FIGN: variants seen among roughly 807,000 people sequenced by gnomAD.
FIGN encodes the protein fidgetin.
FIGN carries 11 observed loss-of-function variants against 51.3 expected under a neutral mutation model. The observed-to-expected ratio is 0.21, with a 90% CI of 0.13 to 0.35. The LOEUF is 0.35. Ranked by LOEUF, FIGN falls within the 10% of genes least tolerant of loss-of-function variation. The probability of loss-of-function intolerance (pLI) is 1.00; values close to 1 mark genes in which losing one functional copy is unlikely to be tolerated. For synonymous variants in FIGN, 407 were observed against 363.2 expected (o/e 1.12, Z -1.37); for missense variants, 857 against 943.6 (o/e 0.91, Z 1.20).
chr2:163,725,779 A>G (rs1188254787), intron 2 of FIGN, among the ~76,000 whole-genome samples: 1 of 152,282 alleles, frequency 6.6e-6, no homozygotes, highest in Non-Finnish European at 1.5e-5. Flanking sequence ...TTAGAGGCTT[A>G]TTAAAGAACA....
At chr2:163,651,308 C>G (rs1489721020) in intron 2 of FIGN, among the ~76,000 whole-genome samples, 1 of 151,812 alleles carries the variant, frequency 6.6e-6, no homozygotes, top group Admixed American at 6.6e-5. Flanking sequence ...TAAAAATACA[C>G]AAAATTAGCC....
intron 2 of FIGN, among the ~76,000 whole-genome samples, chr2:163,625,178 T>A (rs1683035555): frequency 6.6e-6 from 1 of 151,974 alleles, no homozygotes; most frequent in South Asian, 2.1e-4. Flanking sequence ...TCTTTCTTCA[T>A]CAGTATTCCT....
intron 2 of FIGN, among the ~76,000 whole-genome samples, chr2:163,642,588 G>A (rs1478467398): frequency 3.9e-5 from 6 of 152,118 alleles, no homozygotes. Context: ...GACTCTCAGA[G>A]GAAGGAGTAT....
chr2:163,677,391 G>A (rs1683989802), intron 2 of FIGN, among the ~76,000 whole-genome samples: 2 of 152,184 alleles, frequency 1.3e-5, no homozygotes, highest in Admixed American at 1.3e-4. Context: ...GGGCTGCAAT[G>A]GTGTAAATGG....
chr2:163,628,247 G>T (rs1189098098), intron 2 of FIGN, among the ~76,000 whole-genome samples: 1 of 134,494 alleles, frequency 7.4e-6, no homozygotes, highest in Non-Finnish European at 1.6e-5. Context: ...ATAGAGAGAG[G>T]TGGCTATACA....
chr2:163,636,427 G>A (rs1033337304), intron 2 of FIGN, among the ~76,000 whole-genome samples: 1 of 151,908 alleles, frequency 6.6e-6, no homozygotes, highest in Admixed American at 6.6e-5. Context: ...CTGGTATTAC[G>A]GGCATGTGCC....
intron 2 of FIGN, among the ~76,000 whole-genome samples, chr2:163,636,171 G>T (rs1271624691): frequency 1.3e-5 from 2 of 152,182 alleles, no homozygotes; most frequent in East Asian, 3.9e-4. Flanking sequence ...TTACAAGCTT[G>T]ACTGTTACTG....
At chr2:163,685,062 G>A (rs1394528129) in intron 2 of FIGN, among the ~76,000 whole-genome samples, 2 of 151,760 alleles carry the variant, frequency 1.3e-5, no homozygotes, top group Non-Finnish European at 2.9e-5. Flanking sequence ...TGGGATTATA[G>A]GCGTGAGCTA....
intron 2 of FIGN, among the ~76,000 whole-genome samples, chr2:163,698,506 C>G (rs1471804885): frequency 6.6e-6 from 1 of 152,038 alleles, no homozygotes; most frequent in Non-Finnish European, 1.5e-5. Flanking sequence ...AAGATTCCCC[C>G]CACCCTACAA....
chr2:163,687,826 A>G (rs1321223314), intron 2 of FIGN, among the ~76,000 whole-genome samples: 2 of 152,192 alleles, frequency 1.3e-5, no homozygotes, highest in African/African-American at 4.8e-5. Flanking sequence ...TAACATGCAA[A>G]GTTAAATCAA....
intron 2 of FIGN, among the ~76,000 whole-genome samples, chr2:163,618,212 A>G (rs1404033234): frequency 6.6e-6 from 1 of 152,212 alleles, no homozygotes; most frequent in Non-Finnish European, 1.5e-5. Context: ...TAAAACTAAG[A>G]AATAAAGTAC....
chr2:163,653,823 T>A lies in FIGN; in HGVS notation c.26-42017A>T, dbSNP rs188930857. ...GGAATTTATTTTACAGGACTTTTTT[T>A]AAAAAACTTTTAATTTTAGGTACAG... is the stretch of plus-strand genomic sequence containing the variant. On this transcript the variant is annotated intron_variant, in intron 2 of 2. Transcript: ENST00000333129. 4.7e-3 allele frequency among the ~76,000 whole-genome samples: 713 copies of A among 152,204 alleles called. 3 individuals are homozygous for A. Among genetic ancestry groups the A allele is most frequent in the African/African-American group, 6.6e-3 (274 of 41,560 alleles).
chr2:163,643,844 A>G (rs1683341471), intron 2 of FIGN, among the ~76,000 whole-genome samples: 1 of 146,168 alleles, frequency 6.8e-6, no homozygotes, highest in Admixed American at 7.0e-5. Flanking sequence ...AGGCAGGACA[A>G]TCGCTTGAAG....
intron 2 of FIGN, among the ~76,000 whole-genome samples, chr2:163,638,421 G>A (rs958285080): frequency 1.3e-5 from 2 of 152,018 alleles, no homozygotes; most frequent in Non-Finnish European, 2.9e-5. Context: ...AGCTCAGAAA[G>A]GTAAATTCCA....
At chr2:163,639,505 C>G (rs1683275863) in intron 2 of FIGN, among the ~76,000 whole-genome samples, 1 of 152,052 alleles carries the variant, frequency 6.6e-6, no homozygotes, top group African/African-American at 2.4e-5. Flanking sequence ...CAATCAGGTA[C>G]CACAATTGTC....
At chr2:163,716,835 A>G (rs1684675064) in intron 2 of FIGN, among the ~76,000 whole-genome samples, 1 of 152,152 alleles carries the variant, frequency 6.6e-6, no homozygotes, top group African/African-American at 2.4e-5. Flanking sequence ...GAATTCGTCA[A>G]AATTTATCCT....
At chr2:163,691,174 A>T (rs898959481) in intron 2 of FIGN, among the ~76,000 whole-genome samples, 3 of 152,114 alleles carry the variant, frequency 2.0e-5, no homozygotes, top group Admixed American at 2.0e-4. Context: ...TTATCTTTCA[A>T]ATTGATGGGG....
chr2:163,605,594 A>AAC lies in FIGN; in HGVS notation c.*3956_*3957dup, dbSNP rs1272506404. The AAC allele has an allele frequency of 6.6e-6, 1 of 151,936 alleles. No homozygotes were observed. Among genetic ancestry groups the AAC allele is most frequent in the Non-Finnish European group, 1.5e-5 (1 of 67,950 alleles). The allele number at this position is 151,936 out of a possible 1,614,324, so 9.4% of individuals were successfully genotyped here. A position where few individuals can be genotyped will look rare whatever the true frequency, so the allele number is the denominator to read the frequency against. ...AAGTTCAACTAGGTGGTGATGAAAG[A>AAC]ACACACACACATACACACATACAAA... On this transcript the variant is annotated 3_prime_UTR_variant, in exon 3 of 3. Transcript: ENST00000333129.
At chr2:163,708,127 AT>A (rs951964214) in intron 2 of FIGN, among the ~76,000 whole-genome samples, 9 of 152,134 alleles carry the variant, frequency 5.9e-5, no homozygotes, top group African/African-American at 2.2e-4. Context: ...ACATATTGTT[AT>A]TTTGATAGAA....
Sources: gnomAD v4.1 joint callset for allele counts (sites outside exome capture counted in the v4.1 genomes callset) on GRCh38, gnomAD v4.1.1 for gene constraint, MANE v1.5 for transcripts, NCBI Gene and HGNC (gene_info 2026-07-23, HGNC 2026-07-21) for gene names.